The following BLVRB variants were observed in gnomAD, a reference collection of about 807,000 sequenced individuals.
BLVRB encodes the protein flavin reductase (NADPH).
BLVRB carries 25 observed loss-of-function variants against 21.1 expected under a neutral mutation model. The ratio of observed to expected loss-of-function variants is 1.19; its 90% CI spans 0.86 to 1.66. BLVRB has a LOEUF of 1.66. Ranked by LOEUF, BLVRB falls within the 40% of genes most tolerant of loss-of-function variation. The pLI, the probability that BLVRB is intolerant of heterozygous loss-of-function variation, is 0.00. For synonymous variants in BLVRB, 128 were observed against 122.2 expected (o/e 1.05, Z -0.31); for missense variants, 274 against 282.7 (o/e 0.97, Z 0.22).
At chr19:40,457,019 C>A (rs1186266654) in intron 3 of BLVRB, among the ~76,000 whole-genome samples, 2 of 151,922 alleles carry the variant, frequency 1.3e-5, no homozygotes, top group South Asian at 2.1e-4. Context: ...ACAAAAATAT[C>A]AAAAAATTAG....
At chr19:40,448,318 C>T (rs1398588015) in intron 4 of BLVRB, among the ~76,000 whole-genome samples, 2 of 151,928 alleles carry the variant, frequency 1.3e-5, no homozygotes, top group African/African-American at 4.8e-5. Context: ...TGGCCAGTGG[C>T]GGTGGCTCAT....
chr19:40,455,620 C>A (rs529701992), intron 3 of BLVRB, among the ~76,000 whole-genome samples: 1 of 152,266 alleles, frequency 6.6e-6, no homozygotes, highest in East Asian at 1.9e-4. Flanking sequence ...ATCCCTTGAA[C>A]CCAGGAGGTG....
chr19:40,449,811 A>G (rs915536959), intron 4 of BLVRB, among the ~76,000 whole-genome samples: 1 of 152,202 alleles, frequency 6.6e-6, no homozygotes, highest in Non-Finnish European at 1.5e-5. Context: ...AGAGAGGGAG[A>G]GACAACAGGA....
At chr19:40,464,097 A>C (rs1402769959) in intron 1 of BLVRB, among the ~76,000 whole-genome samples, 2 of 147,200 alleles carry the variant, frequency 1.4e-5, no homozygotes, top group African/African-American at 5.0e-5. Flanking sequence ...TATTTTTTTA[A>C]ATTTGAGAGA....
chr19:40,457,903 C>T (rs760941480), intron 3 of BLVRB: 45 of 494,922 alleles, frequency 9.1e-5, no homozygotes, highest in Non-Finnish European at 1.5e-4. Context: ...ATCCCAGCTC[C>T]GATGATCTGG....
At chr19:40,458,319 C>A in intron 2 of BLVRB, 62 bp downstream of exon 2, 2 of 586,160 alleles carry the variant, frequency 3.4e-6, no homozygotes, top group African/African-American at 2.3e-5. Context: ...GGGCCGGGGG[C>A]GGGGGTGGCG....
At chr19:40,449,397 C>T (rs1392544355) in intron 4 of BLVRB, among the ~76,000 whole-genome samples, 2 of 152,056 alleles carry the variant, frequency 1.3e-5, no homozygotes, top group Admixed American at 1.3e-4. Flanking sequence ...AGGTGTCCGC[C>T]ACCACACCTG....
chr19:40,448,256 C>G (rs2145775402), intron 4 of BLVRB, among the ~76,000 whole-genome samples: 1 of 152,120 alleles, frequency 6.6e-6, no homozygotes, highest in African/African-American at 2.4e-5. Context: ...TATTGTGTGG[C>G]CAGGTGCTGG....
At chr19:40,462,764 G>T (rs2079793715) in intron 1 of BLVRB, among the ~76,000 whole-genome samples, 2 of 150,338 alleles carry the variant, frequency 1.3e-5, no homozygotes, top group South Asian at 4.2e-4. Flanking sequence ...ATGGTGGCAG[G>T]CGCCTGTAGT....
rs142941792 is a variant in BLVRB, at chr19:40,460,611, ATAAAT to A, written c.80-2071_80-2067del. Reference sequence around the variant, plus strand: ...AAGACTCTGTCTCAAAAATAAATAAATAAATTAAATTAAATTAAATTAAATTAAAT... The same window carrying A: ...AAGACTCTGTCTCAAAAATAAATAAATAAATTAAATTAAATTAAATTAAAT... On this transcript the variant is annotated intron_variant, in intron 1 of 4. Transcript: ENST00000263368. 4.9e-3 allele frequency among the ~76,000 whole-genome samples: 728 copies of A among 149,580 alleles called. 5 individuals are homozygous for A. The highest frequency in any genetic ancestry group is 9.6e-3 in the South Asian group (46 of 4,772).
intron 3 of BLVRB, among the ~76,000 whole-genome samples, chr19:40,454,106 T>G (rs62106983): frequency 0.12 from 18,012 of 152,158 alleles, 1,121 homozygotes; most frequent in South Asian, 0.16. Context: ...AAAAATTAGA[T>G]GGGCATGGTG....
intron 4 of BLVRB, among the ~76,000 whole-genome samples, chr19:40,449,557 A>G (rs2079729853): frequency 6.6e-6 from 1 of 152,120 alleles, no homozygotes; most frequent in South Asian, 2.1e-4. Flanking sequence ...ACAGTTGGGG[A>G]AATTTTACTA....
rs1211286580 is a variant in BLVRB at position 40,465,619 on chromosome 19, C to G, written c.70G>C (p.Val24Leu). Residue 24 changes from valine (V) to leucine (L), a missense_variant, in exon 1 of 5, where the codon GTG (valine) becomes CTG (leucine). Transcript: ENST00000263368. ...QTGLTTLAQA[V>L]QAGYEVTVLV... ...CCGCCCCGGCTCATGCCTGCTTGCACCGCCTGCGCCAGGGTGGTGAGCCCG... is the reference window on the plus strand; with the variant it reads ...CCGCCCCGGCTCATGCCTGCTTGCAGCGCCTGCGCCAGGGTGGTGAGCCCG... The G allele has an allele frequency of 6.2e-7, 1 of 1,612,176 alleles. No individual in the cohort carries two copies. Among genetic ancestry groups the G allele is most frequent in the Admixed American group, 1.7e-5 (1 of 59,938 alleles).
Position 40,458,446 on chromosome 19 carries a change from T to G in BLVRB, c.179A>C (p.Asp60Ala). Reference protein sequence around the residue: ...VVVGDVLQAADVDKTVAGQDA... With the variant: ...VVVGDVLQAAAVDKTVAGQDA... Reference sequence around the variant, plus strand: ...CTGCCCAGCCACGGTCTTGTCCACATCGGCTGCCTGCAGAACATCTCCCAC... The same window carrying G: ...CTGCCCAGCCACGGTCTTGTCCACAGCGGCTGCCTGCAGAACATCTCCCAC... The change falls in exon 2 of 5, where the codon GAT (aspartate) becomes GCT (alanine). Residue 60 changes from aspartate (D) to alanine (A), a missense_variant. Coordinates refer to ENST00000263368, the MANE Select transcript of BLVRB (RefSeq NM_000713.3). 4 of 1,598,330 alleles carry G rather than the reference T, an allele frequency of 2.5e-6. No individual in the cohort carries two copies. Among genetic ancestry groups the G allele is most frequent in the Non-Finnish European group, 3.4e-6 (4 of 1,173,126 alleles).
chr19:40,460,971 TCAAA>T (rs1396195842), intron 1 of BLVRB, among the ~76,000 whole-genome samples: 6 of 141,302 alleles, frequency 4.2e-5, no homozygotes, highest in South Asian at 2.2e-4. Flanking sequence ...AAACTCCGTC[TCAAA>T]CAAAACAAAA....
chr19:40,456,783 AG>A (rs2145780087), intron 3 of BLVRB, among the ~76,000 whole-genome samples: 1 of 152,168 alleles, frequency 6.6e-6, no homozygotes, highest in East Asian at 1.9e-4. Context: ...GCTACTCAGG[AG>A]GCTGGGGCAG....
chr19:40,464,513 T>C (rs1303408353), intron 1 of BLVRB, among the ~76,000 whole-genome samples: 1 of 152,192 alleles, frequency 6.6e-6, no homozygotes, highest in Non-Finnish European at 1.5e-5. Context: ...GTCCCAGCTA[T>C]GACCAGCAGG....
intron 1 of BLVRB, among the ~76,000 whole-genome samples, chr19:40,464,999 T>C (rs1390351753): frequency 6.6e-6 from 1 of 152,162 alleles, no homozygotes; most frequent in African/African-American, 2.4e-5. Context: ...CCAGGACTGC[T>C]GTCCCCAAGT....
chr19:40,464,063 A>G (rs2079800041), intron 1 of BLVRB, among the ~76,000 whole-genome samples: 1 of 151,136 alleles, frequency 6.6e-6, no homozygotes, highest in South Asian at 2.1e-4. Flanking sequence ...CACCGCACCC[A>G]GCCTCTTTTT....
Sources: allele counts gnomAD v4.1 joint callset (sites outside exome capture counted in the v4.1 genomes callset), GRCh38; gene constraint gnomAD v4.1.1; transcripts MANE v1.5; gene names NCBI Gene and HGNC (gene_info 2026-07-23, HGNC 2026-07-21).